The following DYNC1H1 variants were observed in gnomAD, a reference collection of about 807,000 sequenced individuals.
DYNC1H1 encodes the protein cytoplasmic dynein 1 heavy chain 1.
In DYNC1H1, 51 loss-of-function variants were observed where a neutral mutation model predicts 527.1. The ratio of observed to expected loss-of-function variants is 0.10; its 90% CI spans 0.08 to 0.12. DYNC1H1 has a LOEUF of 0.12. Ranked by LOEUF, DYNC1H1 falls within the 10% of genes least tolerant of loss-of-function variation. The probability of loss-of-function intolerance (pLI) is 1.00; values close to 1 mark genes in which losing one functional copy is unlikely to be tolerated. For missense variants in DYNC1H1, 2,771 were observed against 5,971.8 expected, an observed-to-expected ratio of 0.46 and a Z score of 17.66; for synonymous variants, 2,189 against 2,278.8, an observed-to-expected ratio of 0.96 and a Z score of 1.12.
In DYNC1H1 at chr14:101,994,804, A is replaced by G. The variant is rs1449056694; in HGVS notation, c.3288A>G (p.Ala1096=). 4 of 1,614,132 alleles carry G rather than the reference A, an allele frequency of 2.5e-6. No individual in the cohort carries two copies. In the African/African-American group the frequency reaches 5.3e-5, roughly 22 times the overall value. ...IRKARGTFDN[A]ETKKEFGPVV... ...AGGCCAGAGGAACCTTTGACAATGCAGAAACCAAGAAAGAGTTTGGACCAG... is the reference window on the plus strand; with the variant it reads ...AGGCCAGAGGAACCTTTGACAATGCGGAAACCAAGAAAGAGTTTGGACCAG... The change falls in exon 13 of 78, where the codon GCA becomes GCG. Residue 1096 remains alanine (A), a synonymous_variant. Transcript: ENST00000360184.
intron 43 of DYNC1H1, 42 bp downstream of exon 43, chr14:102,022,922 C>T (rs1247661619): frequency 6.2e-7 from 1 of 1,613,698 alleles, no homozygotes; most frequent in Non-Finnish European, 8.5e-7. Context: ...CTTTTTCTGC[C>T]ATCCCTTTCT....
At chr14:102,013,435 T>C (rs182631954) in intron 34 of DYNC1H1, among the ~76,000 whole-genome samples, 30 of 152,074 alleles carry the variant, frequency 2.0e-4, no homozygotes, top group Admixed American at 5.2e-4. Context: ...GAGCAGACAC[T>C]TAGGGGAGTG....
At chr14:101,973,813 AAATT>A (rs1023986286) in intron 1 of DYNC1H1, among the ~76,000 whole-genome samples, 2 of 151,982 alleles carry the variant, frequency 1.3e-5, no homozygotes, top group African/African-American at 2.4e-5. Context: ...CTAAATAAAT[AAATT>A]AATTAATTAA....
chr14:101,968,874 T>G (rs922856852), intron 1 of DYNC1H1, among the ~76,000 whole-genome samples: 1 of 152,078 alleles, frequency 6.6e-6, no homozygotes, highest in African/African-American at 2.4e-5. Context: ...AGGATTTAAT[T>G]CTAAAGGATG....
In DYNC1H1 at chr14:101,995,610, C is replaced by CA. The variant is rs1298603384; in HGVS notation, c.3564+327dup. On this transcript the variant is annotated intron_variant, in intron 15 of 77. Transcript: ENST00000360184. The stretch of plus-strand genomic sequence containing the variant: ...TGGGCAACAGAGTGAGACTCCGTCT[C>CA]AAAAAAAAAAAAAAAAATTACACTA... Among the ~76,000 whole-genome samples, 625 of 84,982 alleles carry CA rather than the reference C, an allele frequency of 7.4e-3. 1 individual carries two copies. Among genetic ancestry groups the CA allele is most frequent in the East Asian group, 0.044 (136 of 3,126 alleles). The allele number at this position is 84,982 out of a possible 152,430, so 55.8% of individuals were successfully genotyped here. A position where few individuals can be genotyped will look rare whatever the true frequency, so the allele number is the denominator to read the frequency against.
rs1300712077 is a variant in DYNC1H1, at chr14:102,001,388, G to T, written c.4395+34G>T. On this transcript the variant is annotated intron_variant, in intron 20 of 77. Coordinates refer to ENST00000360184, the MANE Select transcript of DYNC1H1 (RefSeq NM_001376.5). This position sits in a 1 kb window ranked among gnomAD's most constrained non-coding sequence, Gnocchi z 5.0. The stretch of plus-strand genomic sequence containing the variant: ...TAGGACTGAACGGCTGCTTTACGTT[G>T]TGTTTCGGGCTGTTACATAGATCTG... 1.2e-6 allele frequency: 2 copies of T among 1,613,822 alleles called. No homozygotes were observed. The highest frequency in any genetic ancestry group is 1.7e-6 in the Non-Finnish European group (2 of 1,179,836).
chr14:102,023,189 C>A (rs1245971500), intron 43 of DYNC1H1: 3 of 391,194 alleles, frequency 7.7e-6, no homozygotes, highest in Non-Finnish European at 1.5e-5. Context: ...TCACAGTGAG[C>A]TGTGGTCACA....
chr14:102,042,846 C>A lies in DYNC1H1; in HGVS notation c.12513+98C>A. Reference sequence around the variant, plus strand: ...TGGGTCCCTGGGCCCCCGGAAGTGCCGTGTGGTGAACTGCACAGCTGCTTT... The same window carrying A: ...TGGGTCCCTGGGCCCCCGGAAGTGCAGTGTGGTGAACTGCACAGCTGCTTT... On this transcript the variant is annotated intron_variant, in intron 69 of 77. Transcript: ENST00000360184. This position sits in a 1 kb window ranked among gnomAD's most constrained non-coding sequence, Gnocchi z 5.7. 1.5e-6 allele frequency: 2 copies of A among 1,375,060 alleles called. No homozygotes were observed. Among genetic ancestry groups the A allele is most frequent in the South Asian group, 1.2e-5 (1 of 81,918 alleles). 85.2% of individuals were successfully genotyped at this position (1,375,060 alleles called of 1,614,324 possible).
In DYNC1H1 at chr14:102,005,838, C is replaced by T; in HGVS notation, c.5434-50C>T. The T allele has an allele frequency of 6.2e-7, 1 of 1,610,446 alleles. No homozygotes were observed. Among genetic ancestry groups the T allele is most frequent in the Non-Finnish European group, 8.5e-7 (1 of 1,177,086 alleles). The stretch of plus-strand genomic sequence containing the variant: ...ACAGTCCACAAACCCGGAGAATGCA[C>T]TGTATTGCTTTAGTGTAGATGAACT... On this transcript the variant is annotated intron_variant, in intron 26 of 77. Coordinates refer to ENST00000360184, the MANE Select transcript of DYNC1H1 (RefSeq NM_001376.5). The surrounding 1 kb of genome is among the most constrained non-coding windows in gnomAD (Gnocchi z 4.0).
Position 102,017,346 on chromosome 14 carries a change from G to C in DYNC1H1, c.8056-37G>C. ...CTGCCCCACAATGTTTCTTGTTCAA[G>C]TTTTGCTCTTAATGTGGTACCTGTC... On this transcript the variant is annotated intron_variant, in intron 39 of 77. Transcript: ENST00000360184. The surrounding 1 kb of genome is among the most constrained non-coding windows in gnomAD (Gnocchi z 4.6). 1 of 1,614,202 alleles carries C rather than the reference G, an allele frequency of 6.2e-7. No individual in the cohort carries two copies. The highest frequency in any genetic ancestry group is 1.3e-5 in the African/African-American group (1 of 75,052).
chr14:102,005,541 G>A lies in DYNC1H1; in HGVS notation c.5433+305G>A, dbSNP rs930180241. Among the ~76,000 whole-genome samples, 15 of 152,342 alleles carry A rather than the reference G, an allele frequency of 9.8e-5. No homozygotes were observed. The highest frequency in any genetic ancestry group is 1.7e-4 in the African/African-American group (7 of 41,580). The stretch of plus-strand genomic sequence containing the variant: ...ACAGCAGTGCTAAGCTGCACGGCAC[G>A]GGCAGTGCTTGCTGCGAGCCCCATG... On this transcript the variant is annotated intron_variant, in intron 26 of 77. Transcript: ENST00000360184. The surrounding 1 kb of genome is among the most constrained non-coding windows in gnomAD (Gnocchi z 4.0).
chr14:102,016,593 T>C lies in DYNC1H1; in HGVS notation c.7614+104T>C. The C allele has an allele frequency of 1.2e-6, 2 of 1,602,832 alleles. No homozygotes were observed. The highest frequency in any genetic ancestry group is 1.7e-6 in the Non-Finnish European group (2 of 1,171,248). On this transcript the variant is annotated intron_variant, in intron 37 of 77. Transcript: ENST00000360184. The surrounding 1 kb of genome is among the most constrained non-coding windows in gnomAD (Gnocchi z 7.3). ...CCTTGGCTTCGTCTTTTCATTTTATTCCATTTCATAGAAGGACTTTATCCT... is the reference window on the plus strand; with the variant it reads ...CCTTGGCTTCGTCTTTTCATTTTATCCCATTTCATAGAAGGACTTTATCCT...
chr14:101,994,938 G>C (rs774671040), intron 13 of DYNC1H1, 48 bp from the exon 14 acceptor site: 2 of 1,613,012 alleles, frequency 1.2e-6, no homozygotes, highest in East Asian at 4.5e-5. Context: ...GGATAAACAC[G>C]CCAGCAGGAA....
chr14:102,042,726 T>C lies in DYNC1H1; in HGVS notation c.12491T>C (p.Ile4164Thr). 1 of 1,614,168 alleles carries C rather than the reference T, an allele frequency of 6.2e-7. No homozygotes were observed. Among genetic ancestry groups the C allele is most frequent in the Non-Finnish European group, 8.5e-7 (1 of 1,180,016 alleles). The change falls in exon 69 of 78, where the codon ATT becomes ACT. Residue 4164 changes from isoleucine (I) to threonine (T), a missense_variant. By Grantham distance (89) the Ile-to-Thr change is moderately conservative. This residue lies in a region of DYNC1H1 where 195 missense variants were observed against 428.6 expected (regional missense o/e 0.45). Coordinates refer to ENST00000360184, the MANE Select transcript of DYNC1H1 (RefSeq NM_001376.5). The surrounding 1 kb of genome is among the most constrained non-coding windows in gnomAD (Gnocchi z 5.7). ...AACATGCTGAGGACGTTCAGCAGCA[T>C]TCCCGTCTCACGGATATGCAAGGTA... ...KANMLRTFSSIPVSRICKSPN... is the reference protein window; with the variant it reads ...KANMLRTFSSTPVSRICKSPN...
intron 34 of DYNC1H1, among the ~76,000 whole-genome samples, chr14:102,013,391 T>A (rs924768025): frequency 1.3e-5 from 2 of 150,394 alleles, no homozygotes; most frequent in African/African-American, 4.9e-5. Flanking sequence ...GGGTTGGAGG[T>A]TAAAATGTGA....
At position 102,028,042 on chromosome 14, in the gene DYNC1H1, T is replaced by C; in HGVS notation, c.9369T>C (p.Pro3123=). ...TGGAGAAGCCAAATTACATCGTGCC[T>C]GATTACATGCCAGTTGTGTATGATA... is the stretch of plus-strand genomic sequence containing the variant. ...MDLEKPNYIV[P]DYMPVVYDKL... is the part of the protein sequence containing the mutation. The change falls in exon 48 of 78, where the codon CCT becomes CCC. Residue 3123 remains proline, a synonymous_variant. Transcript: ENST00000360184. The C allele has an allele frequency of 6.2e-7, 1 of 1,614,208 alleles. No individual in the cohort carries two copies. The highest frequency in any genetic ancestry group is 8.5e-7 in the Non-Finnish European group (1 of 1,180,036).
chr14:102,044,870 C>A lies in DYNC1H1; in HGVS notation c.13006+172C>A. On this transcript the variant is annotated intron_variant, in intron 72 of 77. Coordinates refer to ENST00000360184, the MANE Select transcript of DYNC1H1 (RefSeq NM_001376.5). This position sits in a 1 kb window ranked among gnomAD's most constrained non-coding sequence, Gnocchi z 7.1. Reference sequence around the variant, plus strand: ...CCTCGGCCTTCCTGCCAGTCTCCAGCTGCTCCTAGCTCCACTCCGAGGGGA... The same window carrying A: ...CCTCGGCCTTCCTGCCAGTCTCCAGATGCTCCTAGCTCCACTCCGAGGGGA... 1 of 711,992 alleles carries A rather than the reference C, an allele frequency of 1.4e-6. No individual in the cohort carries two copies. Among genetic ancestry groups the A allele is most frequent in the Non-Finnish European group, 2.4e-6 (1 of 419,032 alleles). 44.1% of individuals were successfully genotyped at this position (711,992 alleles called of 1,614,324 possible).
At chr14:101,991,178 A>C (rs539190190) in intron 10 of DYNC1H1, among the ~76,000 whole-genome samples, 1 of 152,108 alleles carries the variant, frequency 6.6e-6, no homozygotes, top group South Asian at 2.1e-4. Context: ...ATCTCAAAAA[A>C]ACAAAAAGCA....
intron 1 of DYNC1H1, among the ~76,000 whole-genome samples, chr14:101,971,011 T>A (rs1189291179): frequency 6.6e-6 from 1 of 150,636 alleles, no homozygotes; most frequent in Admixed American, 6.6e-5. Context: ...GTGTGCTTTG[T>A]CCCTTTTCCA....
Sources: allele counts gnomAD v4.1 joint callset (sites outside exome capture counted in the v4.1 genomes callset), GRCh38; gene constraint gnomAD v4.1.1; regional missense constraint gnomAD v4.1.1; non-coding constraint Gnocchi (gnomAD v3.1); transcripts MANE v1.5; gene names NCBI Gene and HGNC (gene_info 2026-07-23, HGNC 2026-07-21).